The following SATB1 variants were observed in gnomAD, a reference collection of about 807,000 sequenced individuals.
SATB1 encodes SATB homeobox 1, also known as DNA-binding protein SATB1.
Under a neutral mutation model 86.9 loss-of-function variants are expected in SATB1, and 11 were observed. The observed-to-expected ratio is 0.13, with a 90% CI of 0.08 to 0.21. The LOEUF (loss-of-function observed/expected upper bound fraction) is 0.21. Ranked by LOEUF, SATB1 falls within the 10% of genes least tolerant of loss-of-function variation. The pLI is 1.00. For missense variants in SATB1, 551 were observed against 937.6 expected (o/e 0.59, Z 5.39); for synonymous variants, 357 against 357.2 (o/e 1.00, Z 0.01).
chr3:18,378,388 G>A, intron 8 of SATB1, 63 bp from the exon 9 acceptor site: 1 of 1,531,914 alleles, frequency 6.5e-7, no homozygotes, highest in South Asian at 1.2e-5. Context: ...AAGCTTCTCA[G>A]GCTCAGCATC....
chr3:18,360,835 A>G (rs1437731851), intron 9 of SATB1, among the ~76,000 whole-genome samples: 1 of 152,112 alleles, frequency 6.6e-6, no homozygotes, highest in Non-Finnish European at 1.5e-5. Flanking sequence ...ATTTGGGAAA[A>G]CCTGGAATTC....
Position 18,424,581 on chromosome 3 carries a change from G to C in SATB1, c.-979C>G, listed in dbSNP as rs1698573929. ...AGCAAGTGAGGAGAGAAGAGGTTCG[G>C]GGGGAGGGGGAGGAGGAGGAAGATC... On this transcript the variant is annotated 5_prime_UTR_variant, in exon 1 of 11. Transcript: ENST00000338745. 1 of 152,128 alleles carries C rather than the reference G, an allele frequency of 6.6e-6. No individual in the cohort carries two copies. The highest frequency in any genetic ancestry group is 1.5e-5 in the Non-Finnish European group (1 of 68,130). 9.4% of individuals were successfully genotyped at this position (152,128 alleles called of 1,614,324 possible).
At chr3:18,365,554 C>T (rs1475650270) in intron 9 of SATB1, among the ~76,000 whole-genome samples, 2 of 152,124 alleles carry the variant, frequency 1.3e-5, no homozygotes, top group Non-Finnish European at 2.9e-5. Flanking sequence ...GAGCACATGG[C>T]TATACAGTCT....
chr3:18,438,019 A>G (rs1699121926), intron 1 of SATB1, among the ~76,000 whole-genome samples: 1 of 152,176 alleles, frequency 6.6e-6, no homozygotes, highest in South Asian at 2.1e-4. Context: ...AATATCAAAC[A>G]GCTAATTATG....
intron 2 of SATB1, among the ~76,000 whole-genome samples, chr3:18,432,679 T>C (rs959143354): frequency 2.0e-5 from 3 of 151,636 alleles, no homozygotes; most frequent in African/African-American, 7.3e-5. Flanking sequence ...AGAAAAAGAG[T>C]TGGAAACAAA....
chr3:18,401,493 T>C (rs1309328677), intron 5 of SATB1, among the ~76,000 whole-genome samples: 1 of 152,156 alleles, frequency 6.6e-6, no homozygotes, highest in African/African-American at 2.4e-5. Flanking sequence ...TCTATTTATA[T>C]AAGCTATCCA....
intron 5 of SATB1, chr3:18,409,040 A>T (rs548408137): frequency 1.8e-4 from 27 of 152,124 alleles, no homozygotes; most frequent in Non-Finnish European, 3.1e-4. Context: ...TGCATTAGTG[A>T]TTTTGAGGTC....
chr3:18,355,721 A>C (rs1255489769), intron 9 of SATB1, among the ~76,000 whole-genome samples: 1 of 151,986 alleles, frequency 6.6e-6, no homozygotes, highest in Admixed American at 6.6e-5. Flanking sequence ...CTTGATATAC[A>C]TAAGACCATA....
At chr3:18,358,137 A>G (rs1209681222) in intron 9 of SATB1, among the ~76,000 whole-genome samples, 1 of 151,996 alleles carries the variant, frequency 6.6e-6, no homozygotes, top group African/African-American at 2.4e-5. Flanking sequence ...ACTATTTTCC[A>G]GAAGGTCATT....
chr3:18,425,580 C>T (rs955340927), upstream of SATB1, among the ~76,000 whole-genome samples: 7 of 151,412 alleles, frequency 4.6e-5, no homozygotes, highest in Admixed American at 4.6e-4. Flanking sequence ...GCACGATTTC[C>T]GGCCCCGGGC....
chr3:18,375,459 T>C (rs1695696623), intron 9 of SATB1, among the ~76,000 whole-genome samples: 1 of 152,100 alleles, frequency 6.6e-6, no homozygotes, highest in African/African-American at 2.4e-5. Flanking sequence ...CAGAAGAGAC[T>C]CTGGTTCTTC....
chr3:18,422,554 A>G (rs1439290482), intron 1 of SATB1, among the ~76,000 whole-genome samples: 2 of 152,182 alleles, frequency 1.3e-5, no homozygotes, highest in African/African-American at 4.8e-5. Context: ...GCCTTTTTAA[A>G]CCACTTTTTA....
At chr3:18,427,859 A>G (rs763241839), upstream of SATB1, among the ~76,000 whole-genome samples, 3 of 152,214 alleles carry the variant, frequency 2.0e-5, no homozygotes, top group Non-Finnish European at 4.4e-5. Context: ...CTTTCCCTCA[A>G]GCACATTTTT....
upstream of SATB1, among the ~76,000 whole-genome samples, chr3:18,428,931 T>C (rs144657518): frequency 4.3e-4 from 65 of 152,350 alleles, no homozygotes; most frequent in Non-Finnish European, 6.8e-4. Flanking sequence ...TTTTAAGATA[T>C]AGCAACTCCG....
chr3:18,363,984 A>G (rs952112854), intron 9 of SATB1, among the ~76,000 whole-genome samples: 1 of 148,270 alleles, frequency 6.7e-6, no homozygotes, highest in African/African-American at 2.6e-5. Flanking sequence ...GGTTGTTTTA[A>G]ATGTCACTGC....
At chr3:18,362,881 ACC>A (rs1694987003) in intron 9 of SATB1, among the ~76,000 whole-genome samples, 94 of 107,970 alleles carry the variant, frequency 8.7e-4, no homozygotes, top group Middle Eastern at 5.4e-3. Flanking sequence ...AAAAAAAAAA[ACC>A]AAAACCCCAA....
chr3:18,407,510 T>A (rs909670708), intron 5 of SATB1, among the ~76,000 whole-genome samples: 1 of 152,024 alleles, frequency 6.6e-6, no homozygotes, highest in East Asian at 1.9e-4. Flanking sequence ...ATGGCACACT[T>A]TAGGACTGAA....
chr3:18,415,330 A>G, intron 4 of SATB1, 96 bp from the exon 5 acceptor site: 1 of 1,383,764 alleles, frequency 7.2e-7, no homozygotes, highest in South Asian at 1.3e-5. Flanking sequence ...TTGCGCATCA[A>G]ACAGATGCAT....
intron 8 of SATB1, among the ~76,000 whole-genome samples, chr3:18,380,623 T>C (rs1301233737): frequency 6.6e-6 from 1 of 152,194 alleles, no homozygotes; most frequent in African/African-American, 2.4e-5. Context: ...ATCTCTGTAC[T>C]ACTCATTTAA....
Sources: allele counts gnomAD v4.1 joint callset (sites outside exome capture counted in the v4.1 genomes callset), GRCh38; gene constraint gnomAD v4.1.1; transcripts MANE v1.5; gene names NCBI Gene and HGNC (gene_info 2026-07-23, HGNC 2026-07-21).